CNGB3: variants seen among roughly 807,000 people sequenced by gnomAD.
CNGB3 encodes cyclic nucleotide-gated channel beta-3.
A neutral mutation model predicts 92.8 loss-of-function variants in CNGB3; 86 were observed. The ratio of observed to expected loss-of-function variants is 0.93; its 90% confidence interval spans 0.78 to 1.11. CNGB3 has a LOEUF of 1.11. Among genes scored for constraint, CNGB3 ranks in the 50% least tolerant of loss-of-function variants. The probability of loss-of-function intolerance (pLI) is 0.00; values close to 1 mark genes in which losing one functional copy is unlikely to be tolerated. For missense variants in CNGB3, 1,026 were observed against 956.8 expected (o/e 1.07, Z -0.95); for synonymous variants, 333 against 332.7 (o/e 1.00, Z -0.01).
intron 13 of CNGB3, among the ~76,000 whole-genome samples, chr8:86,619,180 C>T (rs940935191): frequency 6.6e-6 from 1 of 152,214 alleles, no homozygotes; most frequent in East Asian, 1.9e-4. Flanking sequence ...CTAATGCACG[C>T]CACTAGGTGG....
intron 15 of CNGB3, among the ~76,000 whole-genome samples, chr8:86,600,515 A>G (rs924087580): frequency 1.3e-5 from 2 of 152,216 alleles, no homozygotes; most frequent in African/African-American, 4.8e-5. Context: ...TTATTTTTGA[A>G]TGGAGGCATG....
intron 15 of CNGB3, among the ~76,000 whole-genome samples, chr8:86,587,068 T>C (rs1257712575): frequency 1.4e-5 from 2 of 147,354 alleles, no homozygotes; most frequent in Non-Finnish European, 3.0e-5. Context: ...GGTTTTGATT[T>C]GCATTTCTCT....
chr8:86,623,501 C>T (rs1006610931), intron 13 of CNGB3, among the ~76,000 whole-genome samples: 1 of 152,164 alleles, frequency 6.6e-6, no homozygotes, highest in African/African-American at 2.4e-5. Context: ...TGTGTCCTTA[C>T]ATAGTGGAAG....
At chr8:86,590,276 G>A (rs1422793422) in intron 15 of CNGB3, among the ~76,000 whole-genome samples, 1 of 151,882 alleles carries the variant, frequency 6.6e-6, no homozygotes, top group Non-Finnish European at 1.5e-5. Context: ...ACACTGATGG[G>A]TCTTGACTCT....
At chr8:86,660,915 T>C (rs1310414250) in intron 6 of CNGB3, 1 of 297,466 alleles carries the variant, frequency 3.4e-6, no homozygotes, top group African/African-American at 2.2e-5. Flanking sequence ...TAAGAAATAC[T>C]CCTACCCCAG....
At chr8:86,737,306 A>G (rs1825265312) in intron 2 of CNGB3, among the ~76,000 whole-genome samples, 1 of 152,210 alleles carries the variant, frequency 6.6e-6, no homozygotes, top group Non-Finnish European at 1.5e-5. Flanking sequence ...AAATTAATTC[A>G]GGAAAAAAAT....
intron 3 of CNGB3, among the ~76,000 whole-genome samples, chr8:86,707,354 A>G (rs965833457): frequency 5.3e-5 from 8 of 152,230 alleles, no homozygotes; most frequent in Non-Finnish European, 8.8e-5. Flanking sequence ...GAAGGAAAAC[A>G]AAGTAAGGAA....
chr8:86,689,276 A>G (rs1824252135), intron 3 of CNGB3, among the ~76,000 whole-genome samples: 1 of 151,898 alleles, frequency 6.6e-6, no homozygotes, highest in African/African-American at 2.4e-5. Context: ...ACTGTTCCAT[A>G]AAATTTCATT....
chr8:86,649,483 G>A (rs1359999497), intron 7 of CNGB3, among the ~76,000 whole-genome samples: 1 of 151,532 alleles, frequency 6.6e-6, no homozygotes, highest in Non-Finnish European at 1.5e-5. Flanking sequence ...AGAGAACCCA[G>A]AAATAAAGTC....
intron 4 of CNGB3, 151 bp from the exon 5 acceptor site, chr8:86,668,319 C>T (rs1823784912): frequency 1.7e-6 from 1 of 591,308 alleles, no homozygotes; most frequent in African/African-American, 1.9e-5. Flanking sequence ...GGGAACATCA[C>T]ACACTGGGGT....
intron 6 of CNGB3, among the ~76,000 whole-genome samples, chr8:86,654,970 C>T (rs1023796340): frequency 2.0e-5 from 3 of 152,110 alleles, no homozygotes; most frequent in Non-Finnish European, 4.4e-5. Context: ...TAAGCAACTG[C>T]CCATTGTCCT....
At chr8:86,674,818 T>C (rs527502763) in intron 3 of CNGB3, among the ~76,000 whole-genome samples, 1 of 152,236 alleles carries the variant, frequency 6.6e-6, no homozygotes, top group East Asian at 1.9e-4. Flanking sequence ...AGTGGTACAA[T>C]CATAGCTCAC....
At chr8:86,703,439 T>C (rs1824592279) in intron 3 of CNGB3, among the ~76,000 whole-genome samples, 3 of 152,224 alleles carry the variant, frequency 2.0e-5, no homozygotes, top group Non-Finnish European at 2.9e-5. Flanking sequence ...ATAATTCTTT[T>C]TCTCATTTCC....
intron 5 of CNGB3, among the ~76,000 whole-genome samples, chr8:86,667,450 A>G (rs557661899): frequency 7.2e-5 from 11 of 152,314 alleles, no homozygotes; most frequent in African/African-American, 2.2e-4. Context: ...GAAAAGTTGG[A>G]AGGACTTTGC....
At chr8:86,689,922 A>G (rs1162649142) in intron 3 of CNGB3, among the ~76,000 whole-genome samples, 3 of 152,190 alleles carry the variant, frequency 2.0e-5, no homozygotes, top group Admixed American at 6.5e-5. Flanking sequence ...ATAGTATTCC[A>G]TGGTGTATAT....
chr8:86,720,757 T>C (rs1824951076), intron 3 of CNGB3, among the ~76,000 whole-genome samples: 1 of 151,230 alleles, frequency 6.6e-6, no homozygotes, highest in Non-Finnish European at 1.5e-5. Flanking sequence ...CAAATGCTTG[T>C]CAATCAATGA....
chr8:86,617,766 CTG>C (rs753215400), intron 13 of CNGB3, among the ~76,000 whole-genome samples: 37 of 152,106 alleles, frequency 2.4e-4, no homozygotes, highest in Non-Finnish European at 3.1e-4. Context: ...AGACGGAACT[CTG>C]AGGATGAAAC....
intron 3 of CNGB3, among the ~76,000 whole-genome samples, chr8:86,708,160 A>T (rs1455325287): frequency 6.6e-6 from 1 of 152,234 alleles, no homozygotes; most frequent in African/African-American, 2.4e-5. Flanking sequence ...TGTTGCTTAC[A>T]ACCATGGGAC....
At chr8:86,690,308 G>C (rs536396324) in intron 3 of CNGB3, among the ~76,000 whole-genome samples, 1 of 152,278 alleles carries the variant, frequency 6.6e-6, no homozygotes, top group South Asian at 2.1e-4. Flanking sequence ...TTTCTCTGAT[G>C]GCCAGTGATG....
Sources: gnomAD v4.1 joint callset for allele counts (sites outside exome capture counted in the v4.1 genomes callset) on GRCh38, gnomAD v4.1.1 for gene constraint, MANE v1.5 for transcripts, NCBI Gene and HGNC (gene_info 2026-07-23, HGNC 2026-07-21) for gene names.